Variants in DNAH6 observed in about 807,000 individuals in gnomAD.
DNAH6 encodes the protein dynein axonemal heavy chain 6.
In DNAH6, 340 loss-of-function variants were observed where a neutral mutation model predicts 491.4. The observed-to-expected ratio is 0.69, with a 90% CI of 0.63 to 0.76. DNAH6 has a LOEUF of 0.76. Among genes scored for constraint, DNAH6 ranks in the 30% least tolerant of loss-of-function variants. The pLI is 0.00. For synonymous variants in DNAH6, 1,603 were observed against 1,686.1 expected (o/e 0.95, Z 1.21); for missense variants, 4,443 against 4,972.2 (o/e 0.89, Z 3.20).
chr2:84,805,592 T>C, intron 70 of DNAH6, 73 bp from the exon 71 acceptor site: 1 of 1,363,744 alleles, frequency 7.3e-7, no homozygotes, highest in Non-Finnish European at 9.8e-7. Context: ...CTTTTGTAAA[T>C]AATTATGTGT....
chr2:84,638,165 A>G (rs1689047724), intron 31 of DNAH6, among the ~76,000 whole-genome samples: 1 of 152,158 alleles, frequency 6.6e-6, no homozygotes, highest in Non-Finnish European at 1.5e-5. Flanking sequence ...AAAAGAATTG[A>G]TATATTCACA....
At chr2:84,781,399 TC>T (rs1430850039) in intron 64 of DNAH6, 93 bp from the exon 65 acceptor site, 1 of 1,052,168 alleles carries the variant, frequency 9.5e-7, no homozygotes, top group African/African-American at 1.6e-5. Context: ...TGTTTATATA[TC>T]CTAAGCAAGA....
Position 84,653,358 on chromosome 2 carries a change from A to G in DNAH6, c.5118A>G (p.Pro1706=). ...ISDLFPGVQI[P]EHDYGILQST... ...ACCTTTTTCCTGGAGTCCAAATTCC[A>G]GAACATGATTATGGTATTTTACAAT... Residue 1706 remains proline (P), a synonymous_variant, in exon 34 of 77, where the codon CCA becomes CCG. Coordinates refer to ENST00000389394, the MANE Select transcript of DNAH6 (RefSeq NM_001370.2). 6.5e-7 allele frequency: 1 copy of G among 1,543,856 alleles called. No individual in the cohort carries two copies. The highest frequency in any genetic ancestry group is 8.8e-7 in the Non-Finnish European group (1 of 1,142,378).
chr2:84,741,073 C>T (rs986751702), intron 62 of DNAH6, among the ~76,000 whole-genome samples: 3 of 152,180 alleles, frequency 2.0e-5, no homozygotes, highest in African/African-American at 4.8e-5. Flanking sequence ...GCAGCATGGA[C>T]GAGAAGCTGT....
chr2:84,704,957 G>A (rs553866420), intron 51 of DNAH6, among the ~76,000 whole-genome samples: 43 of 152,230 alleles, frequency 2.8e-4, no homozygotes, highest in Non-Finnish European at 5.0e-4. Context: ...CTGGTACCTC[G>A]GTAGGACCCA....
At chr2:84,524,686 G>A (rs1363917565) in intron 2 of DNAH6, among the ~76,000 whole-genome samples, 1 of 151,868 alleles carries the variant, frequency 6.6e-6, no homozygotes, top group African/African-American at 2.4e-5. Flanking sequence ...AATTTCAGTA[G>A]GTTTTAGAGA....
chr2:84,700,956 C>T, intron 48 of DNAH6, 141 bp from the exon 49 acceptor site: 1 of 962,164 alleles, frequency 1.0e-6, no homozygotes. Context: ...TCATTAAGCA[C>T]CATAGACATG....
At chr2:84,757,373 G>A (rs1195488593) in intron 63 of DNAH6, among the ~76,000 whole-genome samples, 2 of 152,188 alleles carry the variant, frequency 1.3e-5, no homozygotes, top group African/African-American at 4.8e-5. Flanking sequence ...ACTTTCCTGG[G>A]TAGAGTGAGA....
intron 18 of DNAH6, among the ~76,000 whole-genome samples, chr2:84,603,511 C>T (rs1169906385): frequency 2.0e-5 from 3 of 152,114 alleles, no homozygotes; most frequent in African/African-American, 7.2e-5. Context: ...GCTATTTTTA[C>T]TCAGTATTTG....
At chr2:84,774,901 T>A (rs36098281) in intron 64 of DNAH6, among the ~76,000 whole-genome samples, 1 of 152,030 alleles carries the variant, frequency 6.6e-6, no homozygotes, top group Non-Finnish European at 1.5e-5. Flanking sequence ...TCCTGAAACT[T>A]ACTGAAGACA....
At chr2:84,681,185 G>A (rs1227214953) in intron 41 of DNAH6, among the ~76,000 whole-genome samples, 172 bp from the exon 42 acceptor site, 2 of 152,202 alleles carry the variant, frequency 1.3e-5, no homozygotes, top group Non-Finnish European at 2.9e-5. Flanking sequence ...ACAGGAGTGA[G>A]CGCATTCTCA....
intron 41 of DNAH6, among the ~76,000 whole-genome samples, chr2:84,679,502 G>A (rs1036980751): frequency 6.6e-6 from 1 of 152,136 alleles, no homozygotes; most frequent in East Asian, 1.9e-4. Flanking sequence ...AAGCTATAAC[G>A]CAGTAACTGA....
At chr2:84,650,071 GTT>G (rs1463317876) in intron 33 of DNAH6, among the ~76,000 whole-genome samples, 3 of 150,940 alleles carry the variant, frequency 2.0e-5, no homozygotes, top group Admixed American at 6.6e-5. Context: ...TGCTAAAATT[GTT>G]TTCTTTGTCT....
intron 22 of DNAH6, among the ~76,000 whole-genome samples, chr2:84,616,254 A>G (rs1211120868): frequency 2.6e-5 from 4 of 151,994 alleles, no homozygotes; most frequent in Non-Finnish European, 4.4e-5. Context: ...GGCCTTGATG[A>G]CCTGTCTAGT....
the DNAH6 span, among the ~76,000 whole-genome samples, chr2:84,467,644 C>T: frequency 2.1e-4 from 32 of 152,232 alleles, no homozygotes; most frequent in African/African-American, 7.0e-4. Flanking sequence ...TAAACCCTTT[C>T]ATGGCTTACA....
chr2:84,684,903 G>T (rs1694132476), intron 42 of DNAH6, among the ~76,000 whole-genome samples: 1 of 152,226 alleles, frequency 6.6e-6, no homozygotes. Context: ...TGACATTGGG[G>T]AAGAAAGAGA....
rs763907102 is a variant in DNAH6 at position 84,669,322 on chromosome 2, A to G, written c.6118A>G (p.Met2040Val). Residue 2040 changes from methionine (M) to valine (V), a missense_variant, in exon 38 of 77, where the codon ATG becomes GTG. Coordinates refer to ENST00000389394, the MANE Select transcript of DNAH6 (RefSeq NM_001370.2). ...PNSGDLWSIH[M>V]DFDTKRLDPW... ...TTCTGGTGATCTGTGGAGCATTCAT[A>G]TGGACTTTGACACCAAACGGCTGGA... is the stretch of plus-strand genomic sequence containing the variant. 12 of 1,550,000 alleles carry G rather than the reference A, an allele frequency of 7.7e-6. No homozygotes were observed. In the Middle Eastern group the frequency reaches 8.3e-4, roughly 107 times the overall value.
Position 84,573,593 on chromosome 2 carries a change from T to C in DNAH6, c.1924+6T>C, listed in dbSNP as rs780809427. Reference sequence around the variant, plus strand: ...TCTTAAACTTCAGGAACCTGGTAACTTGTCCATTTGTACTTACTAATTATT... The same window carrying C: ...TCTTAAACTTCAGGAACCTGGTAACCTGTCCATTTGTACTTACTAATTATT... On this transcript the variant is annotated splice_donor_region_variant and intron_variant, in intron 12 of 76. Transcript: ENST00000389394. 6.4e-7 allele frequency: 1 copy of C among 1,560,400 alleles called. No homozygotes were observed.
In DNAH6 at chr2:84,710,304, G is replaced by A. The variant is rs1696910857; in HGVS notation, c.9270G>A (p.Arg3090=). ...CCAAACAGGCAAACCGTTGGATAAG[G>A]AACAAGGAAAGCAAAAGTGGTTTAA... ...DPQDQANRWI[R]NKESKSGLKI... is the part of the protein sequence containing the mutation. The change falls in exon 56 of 77, where the codon AGG becomes AGA. Residue 3090 remains arginine, a synonymous_variant. Coordinates refer to ENST00000389394, the MANE Select transcript of DNAH6 (RefSeq NM_001370.2). The A allele has an allele frequency of 3.2e-6, 5 of 1,551,464 alleles. No individual in the cohort carries two copies. In the African/African-American group the frequency reaches 4.1e-5, roughly 13 times the overall value.
Sources: gnomAD v4.1 joint callset for allele counts (sites outside exome capture counted in the v4.1 genomes callset) on GRCh38, gnomAD v4.1.1 for gene constraint, MANE v1.5 for transcripts, NCBI Gene and HGNC (gene_info 2026-07-23, HGNC 2026-07-21) for gene names.